Variants in DTNA observed in about 807,000 individuals in gnomAD.
DTNA encodes dystrobrevin alpha.
DTNA carries 43 observed loss-of-function variants against 100.7 expected under a neutral mutation model. The ratio of observed to expected loss-of-function variants is 0.43; its 90% CI spans 0.33 to 0.55. DTNA has a LOEUF of 0.55. DTNA is among the 20% of genes least tolerant of loss of function. The pLI, the probability that DTNA is intolerant of heterozygous loss-of-function variation, is 0.04. For missense variants in DTNA, 798 were observed against 953.9 expected, an observed-to-expected ratio of 0.84 and a Z score of 2.15; for synonymous variants, 349 against 347.9, an observed-to-expected ratio of 1.00 and a Z score of -0.04.
chr18:34,665,627 T>C (rs928874900), intron 1 of DTNA, among the ~76,000 whole-genome samples: 1 of 152,152 alleles, frequency 6.6e-6, no homozygotes, highest in Non-Finnish European at 1.5e-5. Context: ...CCTGTGTCCA[T>C]GTGTTCTCAT....
intron 1 of DTNA, among the ~76,000 whole-genome samples, chr18:34,568,861 C>T (rs1195542509): frequency 6.6e-6 from 1 of 152,174 alleles, no homozygotes; most frequent in Non-Finnish European, 1.5e-5. Context: ...GGTGATCCGC[C>T]TGCCTTGGTC....
At chr18:34,575,312 TTTG>T (rs2048008808) in intron 1 of DTNA, among the ~76,000 whole-genome samples, 1 of 149,346 alleles carries the variant, frequency 6.7e-6, no homozygotes, top group Non-Finnish European at 1.5e-5. Flanking sequence ...TTTTCAAGAG[TTTG>T]TAAGGAAGAT....
At chr18:34,812,213 G>T (rs1482513514) in intron 6 of DTNA, 100 bp downstream of exon 6, 4 of 1,523,568 alleles carry the variant, frequency 2.6e-6, no homozygotes, top group East Asian at 4.6e-5. Flanking sequence ...AAATTATTCT[G>T]TGTGATAGCA....
intron 2 of DTNA, among the ~76,000 whole-genome samples, chr18:34,763,905 AC>A (rs1259570816): frequency 6.6e-6 from 1 of 152,052 alleles, no homozygotes; most frequent in Non-Finnish European, 1.5e-5. Flanking sequence ...AGGAGAAGCT[AC>A]CTCCCCAGCT....
intron 1 of DTNA, among the ~76,000 whole-genome samples, chr18:34,557,655 G>C (rs2046216003): frequency 6.6e-6 from 1 of 151,878 alleles, no homozygotes; most frequent in South Asian, 2.1e-4. Flanking sequence ...CCCCTGCTGG[G>C]GGGGTGCCTC....
Position 34,833,240 on chromosome 18 carries a change from G to A in DTNA, c.1175+3751G>A, listed in dbSNP as rs1015296168. Among the ~76,000 whole-genome samples, 4 of 152,128 alleles carry A rather than the reference G, an allele frequency of 2.6e-5. No individual in the cohort carries two copies. In the East Asian group the frequency reaches 7.7e-4, roughly 29 times the overall value. ...AAAATATATTTCAGGTATCCAGGAA[G>A]CATCTGTGTGTGATTTTGTTACCTT... On this transcript the variant is annotated intron_variant, in intron 11 of 22. Transcript: ENST00000444659.
At chr18:34,645,648 G>T (rs990277429) in intron 1 of DTNA, among the ~76,000 whole-genome samples, 2 of 151,992 alleles carry the variant, frequency 1.3e-5, no homozygotes, top group African/African-American at 4.8e-5. Flanking sequence ...AATGGAGAGG[G>T]GTTCCTTGAT....
chr18:34,572,924 C>T (rs16965474), intron 1 of DTNA, among the ~76,000 whole-genome samples: 15,578 of 152,216 alleles, frequency 0.1, 1,166 homozygotes, highest in African/African-American at 0.2. Context: ...TGTACTTTCA[C>T]TTATTAATCC....
In DTNA at chr18:34,610,499, A is replaced by G. The variant is rs553039790; in HGVS notation, c.-2+116985A>G. On this transcript the variant is annotated intron_variant, in intron 1 of 19. Transcript: ENST00000283365. Reference sequence around the variant, plus strand: ...GGAACATGATTTTGAAGTGTGGTATATTGTCAACTTATCTTTTGTGCCAAT... The same window carrying G: ...GGAACATGATTTTGAAGTGTGGTATGTTGTCAACTTATCTTTTGTGCCAAT... 9.2e-5 allele frequency among the ~76,000 whole-genome samples: 14 copies of G among 152,272 alleles called. No homozygotes were observed. The South Asian group carries it at 2.9e-3, about 32-fold the overall frequency.
At chr18:34,851,031 C>T (rs1400581936) in intron 14 of DTNA, among the ~76,000 whole-genome samples, 1 of 152,146 alleles carries the variant, frequency 6.6e-6, no homozygotes, top group East Asian at 1.9e-4. Flanking sequence ...TAAAGAAAGA[C>T]ATAAAAGTTT....
Position 34,553,986 on chromosome 18 carries a change from G to A in DTNA, c.-2+60472G>A, listed in dbSNP as rs1447880720. Among the ~76,000 whole-genome samples, 7 of 148,212 alleles carry A rather than the reference G, an allele frequency of 4.7e-5. No individual in the cohort carries two copies. The East Asian group carries it at 5.9e-4, about 12-fold the overall frequency. Reference sequence around the variant, plus strand: ...CCTTGGGCAGTATGGCCATTTTCACGATACTGATTCTTCCTACCCATGAGC... The same window carrying A: ...CCTTGGGCAGTATGGCCATTTTCACAATACTGATTCTTCCTACCCATGAGC... On this transcript the variant is annotated intron_variant, in intron 1 of 19. Coordinates refer to the DTNA transcript ENST00000283365.
chr18:34,795,734 A>C lies in DTNA; in HGVS notation c.362+1484A>C, dbSNP rs369216685. On this transcript the variant is annotated intron_variant, in intron 4 of 22. Coordinates refer to ENST00000444659, the MANE Select transcript of DTNA (RefSeq NM_001386795.1). ...ATCCTGGAGTACTGCTAGAGAACTC[A>C]TAAAGAATCAAAGCCAAATAATCAT... is the stretch of plus-strand genomic sequence containing the variant. Among the ~76,000 whole-genome samples the C allele has an allele frequency of 2.6e-5, 4 of 152,368 alleles. No individual in the cohort carries two copies. In the East Asian group the frequency reaches 7.7e-4, roughly 29 times the overall value.
intron 1 of DTNA, chr18:34,755,667 C>T (rs911254261): frequency 5.2e-5 from 17 of 328,570 alleles, no homozygotes; most frequent in Non-Finnish European, 6.4e-5. Flanking sequence ...GAATGGGAAA[C>T]GAGTCACCTA....
chr18:34,569,902 C>T (rs931943977), intron 1 of DTNA, among the ~76,000 whole-genome samples: 1 of 152,034 alleles, frequency 6.6e-6, no homozygotes, highest in Non-Finnish European at 1.5e-5. Flanking sequence ...CACACACACA[C>T]ACACACAAAA....
At chr18:34,813,767 G>A (rs8085723) in intron 6 of DTNA, among the ~76,000 whole-genome samples, 64 of 150,136 alleles carry the variant, frequency 4.3e-4, no homozygotes, top group African/African-American at 1.3e-3. Flanking sequence ...GCTTGAACCC[G>A]TGAGGCAGAG....
chr18:34,621,378 G>A (rs770488682), intron 1 of DTNA, among the ~76,000 whole-genome samples: 24 of 151,998 alleles, frequency 1.6e-4, no homozygotes, highest in East Asian at 5.8e-4. Flanking sequence ...CCACTCCCAC[G>A]TTCACTGTAG....
intron 1 of DTNA, among the ~76,000 whole-genome samples, chr18:34,596,966 T>G (rs1260267823): frequency 6.6e-6 from 1 of 152,154 alleles, no homozygotes; most frequent in Non-Finnish European, 1.5e-5. Context: ...ACCCGTCATC[T>G]ACATCACGTA....
At chr18:34,842,412 G>A (rs918716608) in intron 13 of DTNA, among the ~76,000 whole-genome samples, 7 of 152,026 alleles carry the variant, frequency 4.6e-5, no homozygotes, top group South Asian at 2.1e-4. Context: ...TCATTTATGA[G>A]GTCTAAATTT....
At chr18:34,609,324 T>A (rs984827936) in intron 1 of DTNA, among the ~76,000 whole-genome samples, 10 of 149,964 alleles carry the variant, frequency 6.7e-5, no homozygotes, top group East Asian at 2.0e-4. Flanking sequence ...GGCTCACTGC[T>A]AGCTCCGCCT....
Sources: gnomAD v4.1 joint callset for allele counts (sites outside exome capture counted in the v4.1 genomes callset) on GRCh38, gnomAD v4.1.1 for gene constraint, MANE v1.5 for transcripts, NCBI Gene and HGNC (gene_info 2026-07-23, HGNC 2026-07-21) for gene names.